The following TENM1 variants were observed in gnomAD, a reference collection of about 807,000 sequenced individuals.
The protein encoded by TENM1 is teneurin-1.
In TENM1, 35 loss-of-function variants were observed where a neutral mutation model predicts 174.8. The ratio of observed to expected loss-of-function variants is 0.20; its 90% CI spans 0.15 to 0.27. The LOEUF (loss-of-function observed/expected upper bound fraction) is 0.27. Among genes scored for constraint, TENM1 ranks in the 10% least tolerant of loss-of-function variants. TENM1 has a pLI of 1.00. For synonymous variants in TENM1, 781 were observed against 798.7 expected (o/e 0.98, Z 0.37); for missense variants, 1,633 against 2,130.1 (o/e 0.77, Z 4.59).
At chrX:124,402,744 G>T (rs1227715292) in intron 27 of TENM1, among the ~76,000 whole-genome samples, 1 of 111,493 alleles carries the variant, frequency 9.0e-6, no homozygotes, top group African/African-American at 3.3e-5. Flanking sequence ...GCTATATGCT[G>T]GGAGAGGTAC....
In TENM1 at chrX:124,793,656, T is replaced by G. The variant is rs1046297367; in HGVS notation, c.536-56459A>C. On this transcript the variant is annotated intron_variant, in intron 3 of 31. Transcript: ENST00000422452. ...AGAAATTACGGAACTTCTCTGTGTCTTCTTCTTCATCTGCAAAAGTGGCCA... is the reference window on the plus strand; with the variant it reads ...AGAAATTACGGAACTTCTCTGTGTCGTCTTCTTCATCTGCAAAAGTGGCCA... 2.7e-5 allele frequency among the ~76,000 whole-genome samples: 3 copies of G among 111,640 alleles called. No individual in the cohort carries two copies. The East Asian group carries it at 8.4e-4, about 31-fold the overall frequency.
chrX:124,647,533 A>C (rs938067293), intron 8 of TENM1, among the ~76,000 whole-genome samples: 2 of 111,562 alleles, frequency 1.8e-5, no homozygotes, highest in African/African-American at 6.5e-5. Flanking sequence ...ATAAATATGT[A>C]CCGTGCAACA....
intron 1 of TENM1, among the ~76,000 whole-genome samples, chrX:124,962,406 A>G (rs2058667315): frequency 8.9e-6 from 1 of 111,877 alleles, no homozygotes; most frequent in Non-Finnish European, 1.9e-5. Flanking sequence ...GGGCTGGAGA[A>G]TTTACACTCT....
At chrX:124,577,030 T>C (rs2049183600) in intron 11 of TENM1, among the ~76,000 whole-genome samples, 1 of 112,370 alleles carries the variant, frequency 8.9e-6, no homozygotes, top group African/African-American at 3.2e-5. Flanking sequence ...AGCTGTATGC[T>C]GGAAGAACAC....
chrX:124,588,718 A>G (rs1240323075), intron 11 of TENM1, among the ~76,000 whole-genome samples: 6 of 111,366 alleles, frequency 5.4e-5, no homozygotes, highest in Non-Finnish European at 1.1e-4. Context: ...ATAAAAAAAG[A>G]AATGCTATTT....
rs749281218 is a variant in TENM1 at position 124,835,877 on chromosome X, A to T, written c.535+58419T>A. Among the ~76,000 whole-genome samples the T allele has an allele frequency of 4.5e-5, 5 of 112,266 alleles. No individual in the cohort carries two copies. The South Asian group carries it at 1.5e-3, about 34-fold the overall frequency. The stretch of plus-strand genomic sequence containing the variant: ...TCGTTAAAAGTAGCTTCAAGGACAT[A>T]GGGAAGAGGTGTAGCTGTTTCAGGC... On this transcript the variant is annotated intron_variant, in intron 3 of 31. Transcript: ENST00000422452.
chrX:124,463,356 A>T (rs2061200311), intron 22 of TENM1, among the ~76,000 whole-genome samples: 1 of 112,167 alleles, frequency 8.9e-6, no homozygotes, highest in East Asian at 2.8e-4. Flanking sequence ...TTTGAAGAAG[A>T]TAAAGTATTA....
chrX:124,673,644 G>A (rs750374538), intron 5 of TENM1, among the ~76,000 whole-genome samples: 24 of 111,602 alleles, frequency 2.2e-4, no homozygotes, highest in Non-Finnish European at 3.0e-4. Context: ...GTTATTTGCA[G>A]TGGGAATGCA....
At chrX:124,391,162 C>T (rs1382799371) in intron 28 of TENM1, among the ~76,000 whole-genome samples, 1 of 111,894 alleles carries the variant, frequency 8.9e-6, no homozygotes, top group Non-Finnish European at 1.9e-5. Context: ...ATAGGGAAAT[C>T]TGTCATGTGA....
chrX:124,411,904 C>A (rs1247576691), intron 25 of TENM1: 1 of 112,074 alleles, frequency 8.9e-6, no homozygotes, highest in Non-Finnish European at 1.9e-5. Flanking sequence ...TTCGGTGCCT[C>A]CATCCTTTGG....
chrX:124,998,824 C>A, the TENM1 span, among the ~76,000 whole-genome samples: 4 of 111,398 alleles, frequency 3.6e-5, no homozygotes, highest in East Asian at 1.1e-3. Flanking sequence ...GAATAAGGAT[C>A]ATCTTTAGTC....
At chrX:124,504,982 T>C (rs2047414422) in intron 18 of TENM1, among the ~76,000 whole-genome samples, 1 of 112,011 alleles carries the variant, frequency 8.9e-6, no homozygotes, top group South Asian at 3.7e-4. Context: ...TCTGACTTTG[T>C]GGATCATTTG....
chrX:124,393,319 G>A (rs1232797400), intron 27 of TENM1, among the ~76,000 whole-genome samples: 1 of 111,202 alleles, frequency 9.0e-6, no homozygotes, highest in Non-Finnish European at 1.9e-5. Flanking sequence ...AGCTGGTAGT[G>A]TCAGTGTTTG....
chrX:124,577,003 T>A (rs923319429), intron 11 of TENM1, among the ~76,000 whole-genome samples: 1 of 112,194 alleles, frequency 8.9e-6, no homozygotes, highest in African/African-American at 3.2e-5. Context: ...GATAGCATAC[T>A]TCAGTGGCAA....
At chrX:124,474,770 A>C (rs910779701) in intron 22 of TENM1, among the ~76,000 whole-genome samples, 2 of 111,806 alleles carry the variant, frequency 1.8e-5, no homozygotes, top group African/African-American at 6.5e-5. Context: ...CAGATGCATT[A>C]GATGAACTGT....
chrX:125,005,847 C>A, the TENM1 span, among the ~76,000 whole-genome samples: 1 of 111,835 alleles, frequency 8.9e-6, no homozygotes, highest in Admixed American at 9.4e-5. Flanking sequence ...CAGGGTACTA[C>A]ACTTTTCCCA....
chrX:124,821,211 C>A (rs1281357366), intron 3 of TENM1, among the ~76,000 whole-genome samples: 1 of 111,963 alleles, frequency 8.9e-6, no homozygotes, highest in Non-Finnish European at 1.9e-5. Context: ...AATTAAGATT[C>A]CATAAGACAG....
intron 3 of TENM1, among the ~76,000 whole-genome samples, chrX:124,847,745 G>GC (rs1156715494): frequency 8.9e-6 from 1 of 111,828 alleles, no homozygotes. Flanking sequence ...GACAAGAAAT[G>GC]CAAGTCTCCA....
intron 3 of TENM1, among the ~76,000 whole-genome samples, chrX:124,741,397 A>G (rs1569421568): frequency 8.9e-6 from 1 of 111,827 alleles, no homozygotes; most frequent in African/African-American, 3.3e-5. Context: ...TTTCATTAAC[A>G]TATACAGTCA....
Sources: gnomAD v4.1 joint callset for allele counts (sites outside exome capture counted in the v4.1 genomes callset) on GRCh38, gnomAD v4.1.1 for gene constraint, MANE v1.5 for transcripts, NCBI Gene and HGNC (gene_info 2026-07-23, HGNC 2026-07-21) for gene names.